The following TRPS1 variants were observed in gnomAD, a reference collection of about 807,000 sequenced individuals.
TRPS1 encodes the protein zinc finger transcription factor Trps1.
A neutral mutation model predicts 101.2 loss-of-function variants in TRPS1; 6 were observed. The ratio of observed to expected loss-of-function variants is 0.06; its 90% CI spans 0.03 to 0.12. The LOEUF is 0.12. Among genes scored for constraint, TRPS1 ranks in the 10% least tolerant of loss-of-function variants. TRPS1 has a pLI of 1.00. For synonymous variants in TRPS1, 578 were observed against 589.8 expected, an observed-to-expected ratio of 0.98 and a Z score of 0.29; for missense variants, 1,363 against 1,567.0, an observed-to-expected ratio of 0.87 and a Z score of 2.20.
At chr8:115,657,641 T>C (rs1198878697) in intron 1 of TRPS1, among the ~76,000 whole-genome samples, 1 of 152,094 alleles carries the variant, frequency 6.6e-6, no homozygotes, top group African/African-American at 2.4e-5. Flanking sequence ...CATGGTCGAA[T>C]GGTCAAATTC....
chr8:115,451,609 CCAAT>C (rs1425615783), intron 5 of TRPS1, among the ~76,000 whole-genome samples: 5 of 152,090 alleles, frequency 3.3e-5, no homozygotes, highest in East Asian at 3.9e-4. Flanking sequence ...CCAAAAATTG[CCAAT>C]CAATCATGTA....
chr8:115,474,265 A>C lies in TRPS1; in HGVS notation c.2701-55813T>G, dbSNP rs560037578. Among the ~76,000 whole-genome samples the C allele has an allele frequency of 4.6e-5, 7 of 152,234 alleles. No individual in the cohort carries two copies. The East Asian group carries it at 1.4e-3, about 29-fold the overall frequency. On this transcript the variant is annotated intron_variant, in intron 5 of 6. Transcript: ENST00000395715. ...GCAGAGTTTTCTGTTATATTTACTG[A>C]TAATTGTTCACTTGGATTGTCAAGA...
intron 5 of TRPS1, among the ~76,000 whole-genome samples, chr8:115,475,666 T>A (rs1814586634): frequency 6.6e-6 from 1 of 152,042 alleles, no homozygotes; most frequent in Admixed American, 6.6e-5. Flanking sequence ...TTAGCAGTGC[T>A]ATCTCGTTTA....
chr8:115,616,195 T>C (rs1818273105), intron 3 of TRPS1, among the ~76,000 whole-genome samples: 1 of 152,188 alleles, frequency 6.6e-6, no homozygotes. Flanking sequence ...CTCTATCTTC[T>C]ATGCAGCACA....
intron 5 of TRPS1, among the ~76,000 whole-genome samples, chr8:115,470,563 C>A (rs1438703575): frequency 6.6e-6 from 1 of 152,046 alleles, no homozygotes; most frequent in Non-Finnish European, 1.5e-5. Context: ...AAAAATAAGT[C>A]CTTTTGTTTC....
chr8:115,642,551 T>C (rs1397842057), intron 1 of TRPS1, among the ~76,000 whole-genome samples: 1 of 151,940 alleles, frequency 6.6e-6, no homozygotes, highest in Non-Finnish European at 1.5e-5. Context: ...AAGCCTCCAA[T>C]TATGAAACTT....
At chr8:115,487,351 T>C (rs1386361523) in intron 5 of TRPS1, among the ~76,000 whole-genome samples, 1 of 151,882 alleles carries the variant, frequency 6.6e-6, no homozygotes, top group African/African-American at 2.4e-5. Context: ...GAGATCAGTG[T>C]TTTTTTTCAT....
chr8:115,425,761 C>T (rs1205520290), intron 5 of TRPS1, among the ~76,000 whole-genome samples: 1 of 152,150 alleles, frequency 6.6e-6, no homozygotes, highest in East Asian at 1.9e-4. Flanking sequence ...AGATATAAAA[C>T]CTATTACACA....
At chr8:115,521,380 G>C (rs1554581500) in intron 5 of TRPS1, among the ~76,000 whole-genome samples, 1 of 150,352 alleles carries the variant, frequency 6.7e-6, no homozygotes, top group Admixed American at 6.6e-5. Flanking sequence ...TCATACACAG[G>C]AAAAAAAAAG....
In TRPS1 at chr8:115,427,797, GAC is replaced by G. The variant is rs968780252; in HGVS notation, c.2701-9347_2701-9346del. Among the ~76,000 whole-genome samples, 8 of 144,500 alleles carry G rather than the reference GAC, an allele frequency of 5.5e-5. No homozygotes were observed. The South Asian group carries it at 1.4e-3, about 26-fold the overall frequency. 94.8% of individuals were successfully genotyped at this position (144,500 alleles called of 152,430 possible). ...GCAACGAGCTGTTTTGAGGTCGACA[GAC>G]ACAGTCATAGCCAGAGGAACAGAGC... On this transcript the variant is annotated intron_variant, in intron 5 of 6. Coordinates refer to ENST00000395715, the MANE Select transcript of TRPS1 (RefSeq NM_014112.5).
At chr8:115,593,286 C>A (rs1342418290) in intron 4 of TRPS1, among the ~76,000 whole-genome samples, 2 of 152,156 alleles carry the variant, frequency 1.3e-5, no homozygotes, top group African/African-American at 4.8e-5. Flanking sequence ...TTTAAATATT[C>A]TTTAGTGCCA....
At chr8:115,599,708 T>A (rs1817867310) in intron 4 of TRPS1, among the ~76,000 whole-genome samples, 3 of 152,228 alleles carry the variant, frequency 2.0e-5, no homozygotes, top group Admixed American at 2.0e-4. Context: ...CCGTGGTGTA[T>A]ATGTGCCACA....
intron 5 of TRPS1, among the ~76,000 whole-genome samples, chr8:115,455,775 C>CTTTCTTTTTTT (rs1554622479): frequency 1.7e-5 from 2 of 119,992 alleles, no homozygotes; most frequent in Admixed American, 8.4e-5. Flanking sequence ...TTCTTTCTTT[C>CTTTCTTTTTTT]TTTTTTTTTT....
intron 5 of TRPS1, among the ~76,000 whole-genome samples, chr8:115,562,043 AT>A (rs1816957476): frequency 6.6e-6 from 1 of 152,156 alleles, no homozygotes; most frequent in Admixed American, 6.6e-5. Flanking sequence ...ATAAGCAGTT[AT>A]AATACATCAA....
intron 1 of TRPS1, among the ~76,000 whole-genome samples, chr8:115,636,100 T>TA (rs1554601605): frequency 2.0e-5 from 3 of 151,838 alleles, no homozygotes; most frequent in Non-Finnish European, 2.9e-5. Flanking sequence ...GTCCTTTTTT[T>TA]ATCATCAGGA....
Position 115,619,623 on chromosome 8 carries a change from C to A in TRPS1, c.475G>T (p.Asp159Tyr), listed in dbSNP as rs753137261. Residue 159 changes from aspartate to tyrosine, a missense_variant, in exon 3 of 7, where the codon GAC becomes TAC. By Grantham distance (160) the Asp-to-Tyr change is radical. Transcript: ENST00000395715. ...TGATCTTCCTTTGTCTCCAGTGAGT[C>A]CCCTGAGGGGGTGCAGGCCATATCT... ...PQDMACTPSG[D>Y]SLETKEDQKM... is the part of the protein sequence containing the mutation. 3.1e-6 allele frequency: 5 copies of A among 1,614,204 alleles called. No individual in the cohort carries two copies. Among genetic ancestry groups the A allele is most frequent in the East Asian group, 4.5e-5 (2 of 44,874 alleles).
intron 3 of TRPS1, among the ~76,000 whole-genome samples, chr8:115,612,065 G>A (rs556697755): frequency 1.3e-5 from 2 of 151,330 alleles, no homozygotes; most frequent in South Asian, 4.2e-4. Context: ...AGGAAGGTGA[G>A]AGGGTGGGAG....
chr8:115,435,385 G>A (rs1267807508), intron 5 of TRPS1, among the ~76,000 whole-genome samples: 3 of 152,148 alleles, frequency 2.0e-5, no homozygotes, highest in African/African-American at 4.8e-5. Flanking sequence ...GTGACTGATC[G>A]AAATCAGAAC....
rs551655584 is a variant in TRPS1 at position 115,598,503 on chromosome 8, G to A, written c.2096+5370C>T. Among the ~76,000 whole-genome samples the A allele has an allele frequency of 4.6e-5, 7 of 151,994 alleles. 1 individual carries two copies. Among genetic ancestry groups the A allele is most frequent in the African/African-American group, 9.7e-5 (4 of 41,446 alleles). ...TTTATTTTTTGTTTTTTTTAGAGAC[G>A]AGATCTTGGTATGCTGCCCAGGCTG... On this transcript the variant is annotated intron_variant, in intron 4 of 6. Transcript: ENST00000395715.
Sources: gnomAD v4.1 joint callset for allele counts (sites outside exome capture counted in the v4.1 genomes callset) on GRCh38, gnomAD v4.1.1 for gene constraint, MANE v1.5 for transcripts, NCBI Gene and HGNC (gene_info 2026-07-23, HGNC 2026-07-21) for gene names.